IL17A: variants seen among roughly 807,000 people sequenced by gnomAD.
IL17A encodes interleukin-17A.
Under a neutral mutation model 7.2 loss-of-function variants are expected in IL17A, and 1 was observed. That is an observed-to-expected ratio of 0.14 (90% CI 0.05 to 0.66). The LOEUF (loss-of-function observed/expected upper bound fraction) is 0.66. Ranked by LOEUF, IL17A falls within the 30% of genes least tolerant of loss-of-function variation. IL17A has a pLI of 0.84. For synonymous variants in IL17A, 90 were observed against 77.7 expected, an observed-to-expected ratio of 1.16 and a Z score of -0.83; for missense variants, 191 against 197.1, an observed-to-expected ratio of 0.97 and a Z score of 0.18.
rs1236360666 is a variant in IL17A, at chr6:52,187,622, G to A, written c.47G>A (p.Ser16Asn). 1.2e-6 allele frequency: 2 copies of A among 1,613,844 alleles called. No homozygotes were observed. The highest frequency in any genetic ancestry group is 2.7e-5 in the African/African-American group (2 of 74,892). The change falls in exon 2 of 3, where the codon AGC becomes AAC. Residue 16 changes from serine to asparagine, a missense_variant. By Grantham distance (46) the Ser-to-Asn change is conservative. Transcript: ENST00000648244. ...TTCTAGTCACTGCTACTGCTGCTGA[G>A]CCTGGAGGCCATAGTGAAGGCAGGA... Reference protein sequence around the residue: ...TSLVSLLLLLSLEAIVKAGIT... With the variant: ...TSLVSLLLLLNLEAIVKAGIT...
intron 2 of IL17A, 105 bp downstream of exon 2, chr6:52,187,910 A>C (rs1730846183): frequency 4.9e-6 from 5 of 1,020,396 alleles, no homozygotes; most frequent in Middle Eastern, 4.1e-4. Flanking sequence ...TAGAATTACC[A>C]GTCAAACCTG....
chr6:52,187,909 C>A, intron 2 of IL17A, 104 bp downstream of exon 2: 2 of 1,021,930 alleles, frequency 2.0e-6, no homozygotes, highest in Non-Finnish European at 1.5e-6. Context: ...TTAGAATTAC[C>A]AGTCAAACCT....
chr6:52,186,564 C>T, intron 1 of IL17A, 106 bp downstream of exon 1: 3 of 1,001,250 alleles, frequency 3.0e-6, no homozygotes, highest in Non-Finnish European at 4.7e-6. Context: ...TCCAGGAATA[C>T]TGTATATGTA....
In IL17A at chr6:52,189,607, A is replaced by G. The variant is rs1763344330; in HGVS notation, c.*315A>G. On this transcript the variant is annotated 3_prime_UTR_variant, in exon 3 of 3. Transcript: ENST00000648244. ...CTTTGGGGTATAAGATTCCATTTTA[A>G]TGAATTACCTACTTTATTTTGTTTG... is the stretch of plus-strand genomic sequence containing the variant. 1 of 223,942 alleles carries G rather than the reference A, an allele frequency of 4.5e-6. No individual in the cohort carries two copies. The highest frequency in any genetic ancestry group is 2.3e-5 in the African/African-American group (1 of 44,094). 13.9% of individuals were successfully genotyped at this position (223,942 alleles called of 1,614,324 possible). A position where few individuals can be genotyped will look rare whatever the true frequency, so the allele number is the denominator to read the frequency against.
rs1763362679 is a variant in IL17A, at chr6:52,190,620, A to T, written c.*1328A>T. 1 of 152,242 alleles carries T rather than the reference A, an allele frequency of 6.6e-6. No individual in the cohort carries two copies. 9.4% of individuals were successfully genotyped at this position (152,242 alleles called of 1,614,324 possible). ...ATTCCAGAGTAGTTTCAAGTTTCAC[A>T]TCGTAACCATTTTCGCCCCCATGGC... On this transcript the variant is annotated 3_prime_UTR_variant, in exon 3 of 3. Coordinates refer to ENST00000648244, the MANE Select transcript of IL17A (RefSeq NM_002190.3).
chr6:52,186,617 C>G (rs751572347), intron 1 of IL17A, among the ~76,000 whole-genome samples, 159 bp downstream of exon 1: 5 of 152,168 alleles, frequency 3.3e-5, no homozygotes, highest in Non-Finnish European at 7.3e-5. Context: ...AGTCATTGTG[C>G]AGCATTTTCA....
intron 2 of IL17A, 70 bp downstream of exon 2, chr6:52,187,875 C>A: frequency 8.0e-7 from 1 of 1,249,298 alleles, no homozygotes; most frequent in Non-Finnish European, 1.2e-6. Context: ...CCAGTTAAAT[C>A]TCCCTGAGGA....
At position 52,189,826 on chromosome 6, in the gene IL17A, C is replaced by A. The variant is rs768562049; in HGVS notation, c.*534C>A. 1 of 152,248 alleles carries A rather than the reference C, an allele frequency of 6.6e-6. No homozygotes were observed. Among genetic ancestry groups the A allele is most frequent in the Non-Finnish European group, 1.5e-5 (1 of 68,126 alleles). The allele number at this position is 152,248 out of a possible 1,614,324, so 9.4% of individuals were successfully genotyped here. ...GCAGTGCAAAATTTCTGAGTCTTTA[C>A]AACATACGGATATAGTATTTCCTCC... On this transcript the variant is annotated 3_prime_UTR_variant, in exon 3 of 3. Transcript: ENST00000648244.
chr6:52,189,148 C>A lies in IL17A; in HGVS notation c.324C>A (p.Tyr108Ter), dbSNP rs922076260. ...TCAACGCTGATGGGAACGTGGACTACCACATGAACTCTGTCCCCATCCAGC... is the reference window on the plus strand; with the variant it reads ...TCAACGCTGATGGGAACGTGGACTAACACATGAACTCTGTCCCCATCCAGC... ...GCINADGNVDYHMNSVPIQQE... is the reference protein window; with the variant it reads ...GCINADGNVD Residue 108 changes from tyrosine (Y) to a stop codon, truncating the protein, a stop_gained, in exon 3 of 3, where the codon TAC (tyrosine) becomes TAA (stop). Coordinates refer to ENST00000648244, the MANE Select transcript of IL17A (RefSeq NM_002190.3). LOFTEE classifies it high-confidence loss of function. 1 of 1,614,124 alleles carries A rather than the reference C, an allele frequency of 6.2e-7. No individual in the cohort carries two copies. The highest frequency in any genetic ancestry group is 8.5e-7 in the Non-Finnish European group (1 of 1,179,982).
Position 52,187,794 on chromosome 6 carries a change from T to G in IL17A, c.219T>G (p.Pro73=). 1 of 1,613,560 alleles carries G rather than the reference T, an allele frequency of 6.2e-7. No individual in the cohort carries two copies. The highest frequency in any genetic ancestry group is 1.1e-5 in the South Asian group (1 of 91,056). Residue 73 remains proline (P), a synonymous_variant, in exon 2 of 3, where the codon CCT becomes CCG. Transcript: ENST00000648244. ...SSDYYNRSTS[P]WNLHRNEDPE... ...ATTACTACAACCGATCCACCTCACC[T>G]TGGAATCTCCAGTACGTAAAGCTTC...
chr6:52,187,428 T>A (rs1428899066), intron 1 of IL17A, among the ~76,000 whole-genome samples, 175 bp from the exon 2 acceptor site: 1 of 152,240 alleles, frequency 6.6e-6, no homozygotes, highest in African/African-American at 2.4e-5. Context: ...TAACATTATG[T>A]TGGTCATCTA....
In IL17A at chr6:52,187,544, A is replaced by G. The variant is rs150423817; in HGVS notation, c.28-59A>G. The G allele has an allele frequency of 5.8e-4, 785 of 1,364,968 alleles. 1 individual carries two copies. In the African/African-American group the frequency reaches 0.01, roughly 18 times the overall value. 84.6% of individuals were successfully genotyped at this position (1,364,968 alleles called of 1,614,324 possible). A position where few individuals can be genotyped will look rare whatever the true frequency, so the allele number is the denominator to read the frequency against. On this transcript the variant is annotated intron_variant, in intron 1 of 2. Transcript: ENST00000648244. ...CATCATCATCACAATTAATTTGTCA[A>G]AAAGAACCACATAGTAATCTAATCT...
rs1763353474 is a variant in IL17A, at chr6:52,190,138, A to T, written c.*846A>T. 6.6e-6 allele frequency: 1 copy of T among 152,238 alleles called. No individual in the cohort carries two copies. The highest frequency in any genetic ancestry group is 2.4e-5 in the African/African-American group (1 of 41,464). The allele number at this position is 152,238 out of a possible 1,614,324, so 9.4% of individuals were successfully genotyped here. A position where few individuals can be genotyped will look rare whatever the true frequency, so the allele number is the denominator to read the frequency against. ...AAACAAAGCATGTCTTTGAGTAACA[A>T]TGACCTGGAAATACCCAAAATTCCA... On this transcript the variant is annotated 3_prime_UTR_variant, in exon 3 of 3. Coordinates refer to ENST00000648244, the MANE Select transcript of IL17A (RefSeq NM_002190.3).
chr6:52,187,819 C>A lies in IL17A; in HGVS notation c.230+14C>A, dbSNP rs777294810. On this transcript the variant is annotated intron_variant, in intron 2 of 2. Transcript: ENST00000648244. ...TTGGAATCTCCAGTACGTAAAGCTT[C>A]CAGATAAAAATGCTATATTCTTCAT... is the stretch of plus-strand genomic sequence containing the variant. 12 of 1,604,568 alleles carry A rather than the reference C, an allele frequency of 7.5e-6. No homozygotes were observed. Among genetic ancestry groups the A allele is most frequent in the Non-Finnish European group, 1.0e-5 (12 of 1,171,408 alleles).
intron 2 of IL17A, 138 bp from the exon 3 acceptor site, chr6:52,188,917 A>G: frequency 1.6e-6 from 1 of 642,312 alleles, no homozygotes; most frequent in Non-Finnish European, 2.6e-6. Context: ...TTCTTCTTCA[A>G]ACTAACATCA....
At chr6:52,186,956 T>C (rs946277940) in intron 1 of IL17A, among the ~76,000 whole-genome samples, 1 of 152,226 alleles carries the variant, frequency 6.6e-6, no homozygotes, top group East Asian at 1.9e-4. Context: ...TTATATTTTT[T>C]AAATATTTAA....
At chr6:52,188,160 C>A (rs1763316389) in intron 2 of IL17A, among the ~76,000 whole-genome samples, 1 of 152,060 alleles carries the variant, frequency 6.6e-6, no homozygotes, top group South Asian at 2.1e-4. Flanking sequence ...ACCAGAGCTG[C>A]CATTGAGAAG....
chr6:52,188,873 G>T (rs555648584), intron 2 of IL17A, among the ~76,000 whole-genome samples, 182 bp from the exon 3 acceptor site: 16 of 148,888 alleles, frequency 1.1e-4, no homozygotes, highest in African/African-American at 4.0e-4. Context: ...AACAATTCAC[G>T]TGCTTGAAAA....
rs7747909 is a variant in IL17A at position 52,189,451 on chromosome 6, G to A, written c.*159G>A. ...AATTAAAGCTTCAGAGGTAACACTT[G>A]GCCAAGATATGAGATCTGAATTACC... On this transcript the variant is annotated 3_prime_UTR_variant, in exon 3 of 3. Transcript: ENST00000648244. 0.19 allele frequency: 111,020 copies of A among 570,854 alleles called. 12,375 individuals are homozygous for A. The highest frequency in any genetic ancestry group is 0.25 in the Middle Eastern group (550 of 2,190). The allele number at this position is 570,854 out of a possible 1,614,324, so 35.4% of individuals were successfully genotyped here.
Sources: allele counts gnomAD v4.1 joint callset (sites outside exome capture counted in the v4.1 genomes callset), GRCh38; gene constraint gnomAD v4.1.1; transcripts MANE v1.5; gene names NCBI Gene and HGNC (gene_info 2026-07-23, HGNC 2026-07-21).